PTPRD: variants seen among roughly 807,000 people sequenced by gnomAD.
PTPRD encodes the protein protein tyrosine phosphatase receptor type D.
A neutral mutation model predicts 214.5 loss-of-function variants in PTPRD; 34 were observed. That is an observed-to-expected ratio of 0.16 (90% CI 0.12 to 0.21). The LOEUF (loss-of-function observed/expected upper bound fraction) is 0.21, where lower values mean the gene tolerates loss of function less well. Among genes scored for constraint, PTPRD ranks in the 10% least tolerant of loss-of-function variants. PTPRD has a pLI of 1.00. For synonymous variants in PTPRD, 1,128 were observed against 845.7 expected (o/e 1.33, Z -5.79); for missense variants, 2,545 against 2,398.7 (o/e 1.06, Z -1.27).
rs1460219927 is a variant in PTPRD at position 10,341,008 on chromosome 9, A to G, written c.-590T>C. The G allele has an allele frequency of 6.6e-6, 1 of 151,918 alleles. No homozygotes were observed. Among genetic ancestry groups the G allele is most frequent in the African/African-American group, 2.4e-5 (1 of 41,414 alleles). The allele number at this position is 151,918 out of a possible 1,614,324, so 9.4% of individuals were successfully genotyped here. A position where few individuals can be genotyped will look rare whatever the true frequency, so the allele number is the denominator to read the frequency against. ...AGGTCCTTTACTTCCTTGATTCTTCACTTCTTCACCTGCAAAAATGAGGAC... is the reference window on the plus strand; with the variant it reads ...AGGTCCTTTACTTCCTTGATTCTTCGCTTCTTCACCTGCAAAAATGAGGAC... On this transcript the variant is annotated 5_prime_UTR_variant, in exon 3 of 46. Coordinates refer to ENST00000381196, the MANE Select transcript of PTPRD (RefSeq NM_002839.4).
At chr9:10,265,493 A>G (rs941687633) in intron 3 of PTPRD, among the ~76,000 whole-genome samples, 6 of 152,232 alleles carry the variant, frequency 3.9e-5, no homozygotes, top group African/African-American at 1.4e-4. Context: ...TTATGAGCTA[A>G]CAAATGCTTG....
chr9:9,737,220 G>T (rs1037861666), intron 6 of PTPRD, among the ~76,000 whole-genome samples: 1 of 152,036 alleles, frequency 6.6e-6, no homozygotes, highest in African/African-American at 2.4e-5. Flanking sequence ...TCTGTTTCTA[G>T]ACATTTGTGT....
chr9:9,227,372 A>C (rs557391663), intron 9 of PTPRD, among the ~76,000 whole-genome samples: 1 of 152,256 alleles, frequency 6.6e-6, no homozygotes, highest in East Asian at 1.9e-4. Context: ...TTACAACCTC[A>C]GCCCCTAGCC....
intron 8 of PTPRD, among the ~76,000 whole-genome samples, chr9:9,501,163 T>A (rs888642449): frequency 5.9e-5 from 9 of 151,988 alleles, no homozygotes; most frequent in Non-Finnish European, 1.0e-4. Flanking sequence ...TATGAATAAT[T>A]ACTTGAAATG....
intron 8 of PTPRD, among the ~76,000 whole-genome samples, chr9:9,569,652 T>A (rs928196965): frequency 6.6e-6 from 1 of 151,584 alleles, no homozygotes; most frequent in Admixed American, 6.6e-5. Flanking sequence ...GGGAGCAAGA[T>A]AACATACACA....
At chr9:9,921,990 C>A (rs983515684) in intron 5 of PTPRD, among the ~76,000 whole-genome samples, 1 of 152,044 alleles carries the variant, frequency 6.6e-6, no homozygotes, top group African/African-American at 2.4e-5. Flanking sequence ...TACACTTAAT[C>A]CCTGTGCCAT....
rs545471383 is a variant in PTPRD, at chr9:8,428,676, T to C, written c.4086+7916A>G. 2.8e-4 allele frequency among the ~76,000 whole-genome samples: 42 copies of C among 152,028 alleles called. No individual in the cohort carries two copies. The South Asian group carries it at 8.7e-3, about 32-fold the overall frequency. ...ATTCGAAGTTGGCCAAAAAAAATTGTGTGTGTGTGTATGTGTGTGTGTTTG... is the reference window on the plus strand; with the variant it reads ...ATTCGAAGTTGGCCAAAAAAAATTGCGTGTGTGTGTATGTGTGTGTGTTTG... On this transcript the variant is annotated intron_variant, in intron 35 of 45. Coordinates refer to ENST00000381196, the MANE Select transcript of PTPRD (RefSeq NM_002839.4).
In PTPRD at chr9:9,968,957, C is replaced by G. The variant is rs148257346; in HGVS notation, c.-471-30347G>C. 2.3e-3 allele frequency among the ~76,000 whole-genome samples: 356 copies of G among 152,262 alleles called. 1 individual carries two copies. Among genetic ancestry groups the G allele is most frequent in the African/African-American group, 8.1e-3 (337 of 41,546 alleles). On this transcript the variant is annotated intron_variant, in intron 4 of 45. Coordinates refer to ENST00000381196, the MANE Select transcript of PTPRD (RefSeq NM_002839.4). ...AACTATTCAAGGCCCCCACGATAAG[C>G]TGGTAAATTCATGAGATGTGATCTT...
intron 5 of PTPRD, among the ~76,000 whole-genome samples, chr9:9,906,785 G>C (rs2077689337): frequency 6.6e-6 from 1 of 151,850 alleles, no homozygotes; most frequent in Admixed American, 6.6e-5. Context: ...TTTTGTTACA[G>C]ACCACTGTTA....
intron 8 of PTPRD, among the ~76,000 whole-genome samples, chr9:9,443,392 GGT>G (rs1438162207): frequency 1.3e-5 from 2 of 152,150 alleles, no homozygotes; most frequent in African/African-American, 2.4e-5. Flanking sequence ...GATTAAGGAT[GGT>G]CACAGTTCTT....
chr9:9,069,181 T>G (rs1341478009), intron 10 of PTPRD, among the ~76,000 whole-genome samples: 1 of 152,182 alleles, frequency 6.6e-6, no homozygotes, highest in African/African-American at 2.4e-5. Context: ...AAGAACTAAT[T>G]TAGTGACATA....
At chr9:10,361,818 C>T (rs1359396020) in intron 2 of PTPRD, among the ~76,000 whole-genome samples, 1 of 152,108 alleles carries the variant, frequency 6.6e-6, no homozygotes, top group Non-Finnish European at 1.5e-5. Context: ...TAAATACCTG[C>T]TCATATACCA....
At chr9:9,816,851 T>A (rs535233483) in intron 5 of PTPRD, among the ~76,000 whole-genome samples, 116 of 151,876 alleles carry the variant, frequency 7.6e-4, no homozygotes, top group African/African-American at 2.7e-3. Context: ...ATGCATGAAA[T>A]GTTAATCACC....
intron 5 of PTPRD, among the ~76,000 whole-genome samples, chr9:9,805,237 T>G (rs934715671): frequency 1.3e-5 from 2 of 152,098 alleles, no homozygotes; most frequent in African/African-American, 4.8e-5. Context: ...AATGACCTAG[T>G]AGTATGAGAA....
At chr9:9,658,978 T>C (rs945228211) in intron 7 of PTPRD, among the ~76,000 whole-genome samples, 1 of 152,076 alleles carries the variant, frequency 6.6e-6, no homozygotes, top group Non-Finnish European at 1.5e-5. Context: ...ACACAAACTA[T>C]CAAAACATTC....
At chr9:10,000,078 CCAATCATACTG>C (rs2096270970) in intron 4 of PTPRD, among the ~76,000 whole-genome samples, 1 of 152,116 alleles carries the variant, frequency 6.6e-6, no homozygotes, top group Non-Finnish European at 1.5e-5. Flanking sequence ...TGTATCTCTC[CCAATCATACTG>C]CAAGTTATAA....
intron 5 of PTPRD, among the ~76,000 whole-genome samples, chr9:9,892,044 A>G (rs1269892641): frequency 2.0e-5 from 3 of 152,124 alleles, no homozygotes; most frequent in Non-Finnish European, 4.4e-5. Context: ...ACTAAAATTT[A>G]CTTTTAATTT....
chr9:9,597,657 A>G, intron 7 of PTPRD, among the ~76,000 whole-genome samples: 1 of 152,032 alleles, frequency 6.6e-6, no homozygotes, highest in Admixed American at 6.6e-5. Context: ...GAAATGGGAC[A>G]TTAAAAAGGT....
intron 5 of PTPRD, among the ~76,000 whole-genome samples, chr9:9,782,089 C>A (rs993551038): frequency 2.6e-5 from 4 of 152,102 alleles, no homozygotes; most frequent in African/African-American, 9.7e-5. Context: ...CCGCACCCGG[C>A]CTTTGGACTC....
Sources: allele counts gnomAD v4.1 joint callset (sites outside exome capture counted in the v4.1 genomes callset), GRCh38; gene constraint gnomAD v4.1.1; transcripts MANE v1.5; gene names NCBI Gene and HGNC (gene_info 2026-07-23, HGNC 2026-07-21).